Variants in ANO10 observed in about 807,000 individuals in gnomAD.
The protein encoded by ANO10 is anoctamin-10.
Under a neutral mutation model 74.7 loss-of-function variants are expected in ANO10, and 77 were observed. That is an observed-to-expected ratio of 1.03 (90% CI 0.86 to 1.25). The LOEUF is 1.25. Ranked by LOEUF, ANO10 falls within the 50% of genes most tolerant of loss-of-function variation. The pLI, the probability that ANO10 is intolerant of heterozygous loss-of-function variation, is 0.00. For missense variants in ANO10, 721 were observed against 778.1 expected (o/e 0.93, Z 0.87); for synonymous variants, 279 against 284.9 (o/e 0.98, Z 0.21).
At position 43,574,825 on chromosome 3, in the gene ANO10, A is replaced by G. The variant is rs2080919151; in HGVS notation, c.1202T>C (p.Ile401Thr). Residue 401 changes from isoleucine to threonine, a missense_variant, in exon 7 of 13, where the codon ATT becomes ACT. Coordinates refer to ENST00000292246, the MANE Select transcript of ANO10 (RefSeq NM_018075.5). ...RLESAYQNHL[I>T]LKVLVFNFLN... is the part of the protein sequence containing the mutation. ...TGTACTTACCACTAAAACTTTCAGA[A>G]TTAGATGGTTCTGATAGGCAGATTC... 1.9e-6 allele frequency: 3 copies of G among 1,614,082 alleles called. No homozygotes were observed. The East Asian group carries it at 6.7e-5, about 36-fold the overall frequency.
At chr3:43,557,245 C>T (rs2079796150) in intron 9 of ANO10, among the ~76,000 whole-genome samples, 1 of 152,034 alleles carries the variant, frequency 6.6e-6, no homozygotes, top group African/African-American at 2.4e-5. Flanking sequence ...CAGACGTCAA[C>T]ACATCCTGAT....
intron 12 of ANO10, among the ~76,000 whole-genome samples, chr3:43,412,064 A>G (rs2092674431): frequency 2.7e-5 from 4 of 148,184 alleles, no homozygotes; most frequent in South Asian, 2.1e-4. Flanking sequence ...ATATATATGT[A>G]TATATATATT....
At chr3:43,637,237 G>A (rs576417080) in intron 1 of ANO10, among the ~76,000 whole-genome samples, 1 of 152,128 alleles carries the variant, frequency 6.6e-6, no homozygotes, top group South Asian at 2.1e-4. Flanking sequence ...GGAGGCCAAG[G>A]TGGGCAGATC....
At chr3:43,368,146 C>T (rs2091475034) in intron 12 of ANO10, among the ~76,000 whole-genome samples, 1 of 152,338 alleles carries the variant, frequency 6.6e-6, no homozygotes, top group South Asian at 2.1e-4. Flanking sequence ...CTCATGATGG[C>T]TCCTGGAAGC....
intron 9 of ANO10, among the ~76,000 whole-genome samples, chr3:43,559,553 C>G (rs887213200): frequency 6.6e-6 from 1 of 152,014 alleles, no homozygotes. Flanking sequence ...AGGCAAGTTG[C>G]TGACTTGGTG....
At chr3:43,622,970 A>G (rs1172182020), upstream of ANO10, among the ~76,000 whole-genome samples, 1 of 152,120 alleles carries the variant, frequency 6.6e-6, no homozygotes, top group Non-Finnish European at 1.5e-5. Flanking sequence ...GGTTCAAGCG[A>G]TTCTCCTGCC....
At chr3:43,493,715 A>G (rs897129635) in intron 11 of ANO10, among the ~76,000 whole-genome samples, 1 of 152,264 alleles carries the variant, frequency 6.6e-6, no homozygotes, top group African/African-American at 2.4e-5. Flanking sequence ...ATATACTTAA[A>G]TAAAAATCAT....
At chr3:43,565,518 G>A (rs926092140) in intron 8 of ANO10, 135 bp downstream of exon 8, 1 of 797,466 alleles carries the variant, frequency 1.3e-6, no homozygotes. Flanking sequence ...TTTTTATTTA[G>A]AATTTGGCTT....
At chr3:43,418,469 T>A (rs558763985) in intron 12 of ANO10, among the ~76,000 whole-genome samples, 1 of 152,290 alleles carries the variant, frequency 6.6e-6, no homozygotes, top group South Asian at 2.1e-4. Context: ...AAATCACATA[T>A]CCTTCTTAGT....
intron 8 of ANO10, among the ~76,000 whole-genome samples, chr3:43,563,418 G>GTT (rs35992992): frequency 1.8e-5 from 2 of 112,228 alleles, no homozygotes; most frequent in Admixed American, 9.3e-5. Flanking sequence ...ATGGCGAGAG[G>GTT]TTTTTTTTTT....
intron 11 of ANO10, among the ~76,000 whole-genome samples, chr3:43,534,386 G>T (rs1462448095): frequency 1.2e-4 from 19 of 152,308 alleles, no homozygotes; most frequent in Non-Finnish European, 7.3e-5. Flanking sequence ...TTCTCCCAAT[G>T]ATTGAAATGG....
chr3:43,425,695 A>G (rs1212047060), intron 12 of ANO10, among the ~76,000 whole-genome samples: 1 of 152,210 alleles, frequency 6.6e-6, no homozygotes, highest in Non-Finnish European at 1.5e-5. Flanking sequence ...TAAGATAACA[A>G]ATTGCAACCT....
chr3:43,406,588 C>T (rs953486602), intron 12 of ANO10, among the ~76,000 whole-genome samples: 1 of 152,222 alleles, frequency 6.6e-6, no homozygotes, highest in Non-Finnish European at 1.5e-5. Context: ...GAATGGCTTA[C>T]ATGACGAATC....
At chr3:43,678,253 G>A (rs1267609620) in intron 1 of ANO10, among the ~76,000 whole-genome samples, 1 of 152,184 alleles carries the variant, frequency 6.6e-6, no homozygotes, top group Non-Finnish European at 1.5e-5. Flanking sequence ...CAGAATGGCT[G>A]TATGGGCATT....
In ANO10 at chr3:43,366,996, C is replaced by A. The variant is rs1360397330; in HGVS notation, c.1915-22G>T. The stretch of plus-strand genomic sequence containing the variant: ...TTTGCTGTTAAGAGAAAACAGGACA[C>A]CAGGTGAGCCACAGAAGCCTAAGTA... On this transcript the variant is annotated intron_variant, in intron 12 of 12. Transcript: ENST00000292246. 6.3e-6 allele frequency: 10 copies of A among 1,582,850 alleles called. No individual in the cohort carries two copies. In the South Asian group the frequency reaches 1.2e-4, roughly 18 times the overall value.
At chr3:43,471,305 ACTTG>A (rs1326169145) in intron 11 of ANO10, among the ~76,000 whole-genome samples, 1 of 152,208 alleles carries the variant, frequency 6.6e-6, no homozygotes, top group Non-Finnish European at 1.5e-5. Context: ...TTTTTTCCTT[ACTTG>A]CTTGCCATAA....
Position 43,434,005 on chromosome 3 carries a change from T to C in ANO10, c.1798-1278A>G, listed in dbSNP as rs538124243. Among the ~76,000 whole-genome samples, 4 of 152,350 alleles carry C rather than the reference T, an allele frequency of 2.6e-5. No homozygotes were observed. The South Asian group carries it at 8.3e-4, about 32-fold the overall frequency. ...GAAAAAAATTAAATGAATTTCTTAC[T>C]GTGATATTTCCAAAAGGAGAAATGA... is the stretch of plus-strand genomic sequence containing the variant. On this transcript the variant is annotated intron_variant, in intron 11 of 12. Coordinates refer to ENST00000292246, the MANE Select transcript of ANO10 (RefSeq NM_018075.5).
At chr3:43,471,832 A>G (rs1445817087) in intron 11 of ANO10, among the ~76,000 whole-genome samples, 1 of 152,166 alleles carries the variant, frequency 6.6e-6, no homozygotes, top group East Asian at 1.9e-4. Flanking sequence ...AATCAAATCC[A>G]CACTGTGGAA....
chr3:43,386,648 C>CGTGTACGTGT (rs1553643244), intron 12 of ANO10, among the ~76,000 whole-genome samples: 5 of 139,892 alleles, frequency 3.6e-5, no homozygotes. Context: ...TAGGTGTGTA[C>CGTGTACGTGT]GTGTGTGTGT....
Sources: gnomAD v4.1 joint callset for allele counts (sites outside exome capture counted in the v4.1 genomes callset) on GRCh38, gnomAD v4.1.1 for gene constraint, MANE v1.5 for transcripts, NCBI Gene and HGNC (gene_info 2026-07-23, HGNC 2026-07-21) for gene names.